HYAL4: variants seen among roughly 807,000 people sequenced by gnomAD.
HYAL4 encodes the protein hyaluronidase-4.
HYAL4 carries 37 observed loss-of-function variants against 35.2 expected under a neutral mutation model. That is an observed-to-expected ratio of 1.05 (90% CI 0.81 to 1.38). The LOEUF is 1.38. HYAL4 is among the 40% of genes most tolerant of loss of function. The pLI is 0.00. For synonymous variants in HYAL4, 198 were observed against 203.2 expected, an observed-to-expected ratio of 0.97 and a Z score of 0.22; for missense variants, 572 against 572.4, an observed-to-expected ratio of 1.00 and a Z score of 0.01.
chr7:123,796,381 A>G, the HYAL4 span, among the ~76,000 whole-genome samples: 17 of 152,352 alleles, frequency 1.1e-4, no homozygotes, highest in African/African-American at 3.1e-4. Flanking sequence ...CGTGGTGTTT[A>G]TAAGTATACT....
chr7:123,844,694 G>A (rs1392343922), upstream of HYAL4, among the ~76,000 whole-genome samples: 2 of 152,146 alleles, frequency 1.3e-5, no homozygotes, highest in Non-Finnish European at 1.5e-5. Context: ...CACCCAGTTC[G>A]AGTTTCCTAG....
At chr7:123,844,838 C>T (rs1201152489), upstream of HYAL4, among the ~76,000 whole-genome samples, 2 of 152,190 alleles carry the variant, frequency 1.3e-5, no homozygotes, top group Admixed American at 6.5e-5. Context: ...CCCACCGAGC[C>T]AGGCACGGGA....
chr7:123,851,976 T>C (rs1198949570), intron 2 of HYAL4, among the ~76,000 whole-genome samples: 2 of 152,238 alleles, frequency 1.3e-5, no homozygotes, highest in African/African-American at 4.8e-5. Flanking sequence ...TTGATTTGCA[T>C]TTCTCTAATG....
the HYAL4 span, among the ~76,000 whole-genome samples, chr7:123,804,591 C>T: frequency 0.11 from 17,222 of 151,544 alleles, 1,109 homozygotes; most frequent in Non-Finnish European, 0.14. Context: ...TTAAATAGGA[C>T]GTATATGTTT....
intron 2 of HYAL4, among the ~76,000 whole-genome samples, chr7:123,855,135 A>G (rs1402335633): frequency 6.6e-6 from 1 of 152,194 alleles, no homozygotes. Flanking sequence ...CAGCACACCA[A>G]TGGGACTTGA....
At chr7:123,827,585 G>T (rs1191084440), upstream of HYAL4, among the ~76,000 whole-genome samples, 8 of 152,154 alleles carry the variant, frequency 5.3e-5, no homozygotes, top group Non-Finnish European at 1.2e-4. Context: ...AAAACAGCAT[G>T]TGTTTCTAAA....
At chr7:123,869,779 C>G (rs1205873385) in intron 3 of HYAL4, among the ~76,000 whole-genome samples, 2 of 151,742 alleles carry the variant, frequency 1.3e-5, no homozygotes, top group Non-Finnish European at 2.9e-5. Context: ...CCCCCACCTC[C>G]TGGGTTCAAG....
At chr7:123,788,454 C>T in the HYAL4 span, among the ~76,000 whole-genome samples, 1 of 152,142 alleles carries the variant, frequency 6.6e-6, no homozygotes, top group South Asian at 2.1e-4. Flanking sequence ...CCCAAATGAA[C>T]AAGGAATATT....
chr7:123,786,455 T>C, the HYAL4 span, among the ~76,000 whole-genome samples: 2 of 152,152 alleles, frequency 1.3e-5, no homozygotes, highest in Non-Finnish European at 2.9e-5. Flanking sequence ...TACCTTCTTT[T>C]CTCTGTTATT....
intron 2 of HYAL4, among the ~76,000 whole-genome samples, chr7:123,865,097 A>G (rs1339366718): frequency 6.6e-6 from 1 of 152,044 alleles, no homozygotes; most frequent in African/African-American, 2.4e-5. Context: ...GGAGAAGAGA[A>G]TCACTTGGTA....
At chr7:123,855,741 G>T (rs1227761568) in intron 2 of HYAL4, among the ~76,000 whole-genome samples, 1 of 152,010 alleles carries the variant, frequency 6.6e-6, no homozygotes, top group Admixed American at 6.6e-5. Context: ...TTGAATGTTG[G>T]CCTGCCTTGC....
chr7:123,869,835 T>G (rs36102026), intron 3 of HYAL4, among the ~76,000 whole-genome samples: 1 of 145,664 alleles, frequency 6.9e-6, no homozygotes. Context: ...TTACAGGTGC[T>G]CACCCCCCCC....
chr7:123,802,635 C>T, the HYAL4 span, among the ~76,000 whole-genome samples: 1 of 151,658 alleles, frequency 6.6e-6, no homozygotes, highest in Non-Finnish European at 1.5e-5. Context: ...CAAAAGAATA[C>T]AGCCTGGGCA....
At chr7:123,833,985 T>C (rs1805922472) in intron 1 of HYAL4, among the ~76,000 whole-genome samples, 1 of 152,190 alleles carries the variant, frequency 6.6e-6, no homozygotes, top group Non-Finnish European at 1.5e-5. Flanking sequence ...TTGGTGACGA[T>C]GGTCTTATAG....
chr7:123,822,328 T>C, the HYAL4 span, among the ~76,000 whole-genome samples: 1 of 152,144 alleles, frequency 6.6e-6, no homozygotes, highest in African/African-American at 2.4e-5. Flanking sequence ...ATCAATATTA[T>C]GTAGTTTTTG....
the HYAL4 span, among the ~76,000 whole-genome samples, chr7:123,818,097 G>A: frequency 4.6e-5 from 7 of 152,054 alleles, no homozygotes; most frequent in African/African-American, 1.4e-4. Flanking sequence ...GGCTGGTCTC[G>A]AACTACTCAC....
intron 2 of HYAL4, among the ~76,000 whole-genome samples, chr7:123,850,292 AG>A (rs1262655195): frequency 6.6e-6 from 1 of 152,154 alleles, no homozygotes; most frequent in Non-Finnish European, 1.5e-5. Flanking sequence ...CTCAGGATGG[AG>A]TGCAGTGGCA....
chr7:123,874,609 G>A, intron 3 of HYAL4, 152 bp from the exon 4 acceptor site: 1 of 547,366 alleles, frequency 1.8e-6, no homozygotes, highest in Non-Finnish European at 3.3e-6. Context: ...GTTTCACTGT[G>A]TTGACCAGGC....
At chr7:123,863,482 TATC>T (rs1806621741) in intron 2 of HYAL4, among the ~76,000 whole-genome samples, 1 of 152,168 alleles carries the variant, frequency 6.6e-6, no homozygotes, top group South Asian at 2.1e-4. Flanking sequence ...AGGAGGAAAC[TATC>T]ATATGATTTA....
Sources: allele counts gnomAD v4.1 joint callset (sites outside exome capture counted in the v4.1 genomes callset), GRCh38; gene constraint gnomAD v4.1.1; transcripts MANE v1.5; gene names NCBI Gene and HGNC (gene_info 2026-07-23, HGNC 2026-07-21).